FAM171B: variants seen among roughly 807,000 people sequenced by gnomAD.
FAM171B encodes the protein family with sequence similarity 171 member B.
A neutral mutation model predicts 75.6 loss-of-function variants in FAM171B; 19 were observed. The ratio of observed to expected loss-of-function variants is 0.25; its 90% CI spans 0.18 to 0.37. The LOEUF is 0.37. FAM171B is among the 10% of genes least tolerant of loss of function. FAM171B has a pLI of 1.00. For missense variants in FAM171B, 848 were observed against 982.4 expected, an observed-to-expected ratio of 0.86 and a Z score of 1.83; for synonymous variants, 367 against 361.7, an observed-to-expected ratio of 1.01 and a Z score of -0.17.
rs760786714 is a variant in FAM171B, at chr2:186,762,715, T to G, written c.2373T>G (p.Ala791=). The G allele has an allele frequency of 1.2e-6, 2 of 1,613,028 alleles. No individual in the cohort carries two copies. The highest frequency in any genetic ancestry group is 3.3e-5 in the Admixed American group (2 of 59,806). ...GRKSTVEDFE[A]NTSPTKRRGR... ...AAAGCACTGTTGAAGATTTTGAAGCTAATACATCCCCCACTAAAAGAAGGG... is the reference window on the plus strand; with the variant it reads ...AAAGCACTGTTGAAGATTTTGAAGCGAATACATCCCCCACTAAAAGAAGGG... Residue 791 remains alanine, a synonymous_variant, in exon 8 of 8, where the codon GCT becomes GCG. Transcript: ENST00000304698. This position sits in a 1 kb window ranked among gnomAD's most constrained non-coding sequence, Gnocchi z 4.0.
At chr2:186,718,339 A>G (rs773653478) in intron 1 of FAM171B, among the ~76,000 whole-genome samples, 2 of 152,160 alleles carry the variant, frequency 1.3e-5, no homozygotes, top group African/African-American at 2.4e-5. Context: ...TTTTCTTGCT[A>G]CAGCTGACTG....
At chr2:186,754,764 C>A (rs1690507567) in intron 6 of FAM171B, among the ~76,000 whole-genome samples, 1 of 152,138 alleles carries the variant, frequency 6.6e-6, no homozygotes, top group African/African-American at 2.4e-5. Flanking sequence ...AGGCTGTATG[C>A]AACCTAAGAC....
chr2:186,740,783 T>C (rs1356293880), intron 2 of FAM171B, among the ~76,000 whole-genome samples: 2 of 152,188 alleles, frequency 1.3e-5, no homozygotes, highest in African/African-American at 4.8e-5. Context: ...ACATCTTCTG[T>C]GTCCTCACAT....
At chr2:186,715,209 TG>T (rs1689858205) in intron 1 of FAM171B, among the ~76,000 whole-genome samples, 1 of 152,098 alleles carries the variant, frequency 6.6e-6, no homozygotes, top group Admixed American at 6.6e-5. Context: ...GTGTGTGTTT[TG>T]TTTGTTTTGA....
chr2:186,752,290 G>A (rs1407119132), intron 5 of FAM171B, among the ~76,000 whole-genome samples: 3 of 152,164 alleles, frequency 2.0e-5, no homozygotes, highest in Non-Finnish European at 4.4e-5. Flanking sequence ...CATGTTGGCT[G>A]AGAATAGGGC....
At chr2:186,710,384 G>A (rs190321566) in intron 1 of FAM171B, among the ~76,000 whole-genome samples, 2 of 152,314 alleles carry the variant, frequency 1.3e-5, no homozygotes, top group East Asian at 1.9e-4. Context: ...TCTGTTTAAC[G>A]AAAGATACTG....
At chr2:186,699,211 C>T (rs1054624040) in intron 1 of FAM171B, among the ~76,000 whole-genome samples, 2 of 152,116 alleles carry the variant, frequency 1.3e-5, no homozygotes, top group Non-Finnish European at 2.9e-5. Context: ...CTACTGTTCT[C>T]CATAGTGGTT....
At chr2:186,730,385 A>T (rs1690097377) in intron 1 of FAM171B, among the ~76,000 whole-genome samples, 1 of 152,258 alleles carries the variant, frequency 6.6e-6, no homozygotes, top group Non-Finnish European at 1.5e-5. Flanking sequence ...TGTGTGTGTC[A>T]CACAAGTAAA....
At position 186,762,560 on chromosome 2, in the gene FAM171B, G is replaced by A; in HGVS notation, c.2218G>A (p.Asp740Asn). 1 of 1,613,554 alleles carries A rather than the reference G, an allele frequency of 6.2e-7. No individual in the cohort carries two copies. Among genetic ancestry groups the A allele is most frequent in the Non-Finnish European group, 8.5e-7 (1 of 1,179,732 alleles). Residue 740 changes from aspartate to asparagine, a missense_variant, in exon 8 of 8, where the codon GAT (aspartate) becomes AAT (asparagine). This residue lies in a region of FAM171B where 136 missense variants were observed against 159.3 expected (regional missense o/e 0.85). Coordinates refer to ENST00000304698, the MANE Select transcript of FAM171B (RefSeq NM_177454.4). This position sits in a 1 kb window ranked among gnomAD's most constrained non-coding sequence, Gnocchi z 4.0. ...TCAGCCCAAGATCCTTTACTTAGAAGATTTAGACCTAAGCAGCAGTGAGAG... is the reference window on the plus strand; with the variant it reads ...TCAGCCCAAGATCCTTTACTTAGAAAATTTAGACCTAAGCAGCAGTGAGAG... ...MHQPKILYLE[D>N]LDLSSSESGT...
At chr2:186,734,159 G>C (rs1048042012) in intron 1 of FAM171B, among the ~76,000 whole-genome samples, 1 of 152,168 alleles carries the variant, frequency 6.6e-6, no homozygotes, top group African/African-American at 2.4e-5. Flanking sequence ...ATCAGTGTAG[G>C]TATAAATGAT....
At chr2:186,722,372 G>T (rs2105779273) in intron 1 of FAM171B, among the ~76,000 whole-genome samples, 1 of 152,110 alleles carries the variant, frequency 6.6e-6, no homozygotes, top group African/African-American at 2.4e-5. Flanking sequence ...AGAAAAGATT[G>T]ATCACACTGT....
intron 1 of FAM171B, among the ~76,000 whole-genome samples, chr2:186,722,902 G>A (rs1218398420): frequency 1.3e-5 from 2 of 152,154 alleles, no homozygotes; most frequent in Non-Finnish European, 2.9e-5. Context: ...TTGGTGTTGA[G>A]GATATTGCAT....
intron 1 of FAM171B, among the ~76,000 whole-genome samples, chr2:186,720,126 CT>C (rs1212771419): frequency 3.2e-4 from 48 of 152,234 alleles, no homozygotes; most frequent in African/African-American, 1.1e-3. Flanking sequence ...TAACCTCCAC[CT>C]CCTGGGTTCG....
intron 1 of FAM171B, among the ~76,000 whole-genome samples, chr2:186,731,884 T>C (rs1411383051): frequency 2.0e-5 from 3 of 152,126 alleles, no homozygotes; most frequent in Admixed American, 1.3e-4. Flanking sequence ...GGTTGCATGC[T>C]CCTTATGAAA....
At chr2:186,744,830 A>AT (rs71017339) in intron 3 of FAM171B, among the ~76,000 whole-genome samples, 53,654 of 127,628 alleles carry the variant, frequency 0.42, 11,693 homozygotes, top group East Asian at 0.75. Flanking sequence ...CCTGACCAGC[A>AT]TTTTTTTTTT....
At chr2:186,701,417 A>G (rs561042815) in intron 1 of FAM171B, among the ~76,000 whole-genome samples, 46 of 152,304 alleles carry the variant, frequency 3.0e-4, no homozygotes, top group African/African-American at 1.0e-3. Flanking sequence ...TTCTAACTAT[A>G]GTCCTCATGC....
chr2:186,705,852 G>C (rs1347125027), intron 1 of FAM171B, among the ~76,000 whole-genome samples: 1 of 152,132 alleles, frequency 6.6e-6, no homozygotes, highest in Non-Finnish European at 1.5e-5. Context: ...TTCTGTTGGT[G>C]GAATGGTTGC....
chr2:186,720,700 CAAAAAA>C (rs71411184), intron 1 of FAM171B, among the ~76,000 whole-genome samples: 1 of 110,250 alleles, frequency 9.1e-6, no homozygotes, highest in African/African-American at 3.5e-5. Context: ...AGATCATGTA[CAAAAAA>C]AAAAAAAAAA....
intron 6 of FAM171B, 134 bp from the exon 7 acceptor site, chr2:186,760,979 G>A: frequency 1.1e-6 from 1 of 876,760 alleles, no homozygotes; most frequent in East Asian, 2.8e-5. Flanking sequence ...TCACCCATAG[G>A]GAAATCTGTC....
Sources: gnomAD v4.1 joint callset for allele counts (sites outside exome capture counted in the v4.1 genomes callset) on GRCh38, gnomAD v4.1.1 for gene constraint, gnomAD v4.1.1 regional missense constraint, Gnocchi (gnomAD v3.1) non-coding constraint, MANE v1.5 for transcripts, NCBI Gene and HGNC (gene_info 2026-07-23, HGNC 2026-07-21) for gene names.